Variants in ARPC2 observed in about 807,000 individuals in gnomAD.
ARPC2 encodes actin-related protein 2/3 complex subunit 2.
ARPC2 carries 4 observed loss-of-function variants against 38.6 expected under a neutral mutation model. The ratio of observed to expected loss-of-function variants is 0.10; its 90% CI spans 0.05 to 0.24. ARPC2 has a LOEUF of 0.24. ARPC2 is among the 10% of genes least tolerant of loss of function. ARPC2 has a pLI of 1.00. For missense variants in ARPC2, 229 were observed against 387.3 expected (o/e 0.59, Z 3.43); for synonymous variants, 125 against 140.8 (o/e 0.89, Z 0.79).
intron 8 of ARPC2, among the ~76,000 whole-genome samples, chr2:218,247,491 T>G (rs1039530184): frequency 1.3e-5 from 2 of 152,200 alleles, no homozygotes; most frequent in African/African-American, 4.8e-5. Flanking sequence ...TTCTTTTTTC[T>G]TTCTCTCTGT....
At chr2:218,227,050 AGAT>A (rs1559476414) in intron 3 of ARPC2, 1 of 456,446 alleles carries the variant, frequency 2.2e-6, no homozygotes, top group Admixed American at 2.3e-5. Context: ...GTCCTCGACA[AGAT>A]GATCTTGGAA....
At chr2:218,218,760 A>G (rs766208667) in intron 2 of ARPC2, among the ~76,000 whole-genome samples, 1 of 152,240 alleles carries the variant, frequency 6.6e-6, no homozygotes, top group Admixed American at 6.5e-5. Flanking sequence ...TGCCATTTAA[A>G]TTGAATATAT....
At chr2:218,222,135 C>T (rs750964644) in intron 2 of ARPC2, among the ~76,000 whole-genome samples, 75 of 152,048 alleles carry the variant, frequency 4.9e-4, no homozygotes, top group Non-Finnish European at 2.6e-4. Flanking sequence ...GGTGTGGTGG[C>T]GCACACCTGT....
At chr2:218,239,767 A>AT (rs1442376815) in intron 7 of ARPC2, among the ~76,000 whole-genome samples, 10 of 150,256 alleles carry the variant, frequency 6.7e-5, no homozygotes, top group Non-Finnish European at 1.5e-4. Flanking sequence ...CTAATTTTGT[A>AT]TTTTTAGTAG....
chr2:218,251,011 A>G (rs535188093), intron 10 of ARPC2, among the ~76,000 whole-genome samples: 289 of 151,306 alleles, frequency 1.9e-3, no homozygotes, highest in African/African-American at 6.8e-3. Flanking sequence ...AATTTTTTGT[A>G]TTTTAGTAGA....
chr2:218,218,613 T>A (rs2106140828), intron 2 of ARPC2, among the ~76,000 whole-genome samples: 1 of 152,364 alleles, frequency 6.6e-6, no homozygotes, highest in Admixed American at 6.5e-5. Context: ...AGTTAATAAG[T>A]GCAGACCGTT....
chr2:218,225,393 T>A (rs1009600305), intron 2 of ARPC2, among the ~76,000 whole-genome samples: 4 of 152,196 alleles, frequency 2.6e-5, no homozygotes, highest in Non-Finnish European at 4.4e-5. Context: ...TTTGGTGATG[T>A]AAAGGAAGAA....
chr2:218,252,739 C>T (rs1690222923), intron 10 of ARPC2, among the ~76,000 whole-genome samples: 1 of 152,166 alleles, frequency 6.6e-6, no homozygotes, highest in South Asian at 2.1e-4. Flanking sequence ...GGAGGAAGGC[C>T]TGTTAGGCAG....
At chr2:218,239,668 A>G (rs1311680671) in intron 7 of ARPC2, 184 bp downstream of exon 7, 8 of 536,986 alleles carry the variant, frequency 1.5e-5, no homozygotes, top group Non-Finnish European at 2.6e-5. Context: ...ATCTCGGCTC[A>G]CTGCAACCTC....
intron 5 of ARPC2, chr2:218,234,878 G>C (rs987384244): frequency 6.6e-6 from 3 of 456,730 alleles, no homozygotes; most frequent in Non-Finnish European, 1.3e-5. Context: ...AACATTCATG[G>C]CCAGAGGAAT....
chr2:218,239,973 T>G (rs1360914221), intron 7 of ARPC2, among the ~76,000 whole-genome samples: 1 of 151,334 alleles, frequency 6.6e-6, no homozygotes, highest in Non-Finnish European at 1.5e-5. Context: ...GCTGTTGTTT[T>G]GAGGTGGAGT....
intron 7 of ARPC2, among the ~76,000 whole-genome samples, chr2:218,241,273 C>G (rs921709520): frequency 1.3e-5 from 2 of 152,204 alleles, no homozygotes; most frequent in Non-Finnish European, 2.9e-5. Context: ...ATATTCTCAA[C>G]TGCTCCATCC....
At chr2:218,253,786 A>C (rs1014938587) in intron 10 of ARPC2, 105 bp from the exon 11 acceptor site, 4 of 1,381,796 alleles carry the variant, frequency 2.9e-6, no homozygotes, top group Admixed American at 4.6e-5. Context: ...AGCCCTTTCC[A>C]CCTCTCATTT....
chr2:218,226,012 A>T, intron 3 of ARPC2, 58 bp downstream of exon 3: 1 of 1,577,398 alleles, frequency 6.3e-7, no homozygotes, highest in Non-Finnish European at 8.7e-7. Flanking sequence ...AATAGGAAAT[A>T]GGCTGGGTGC....
chr2:218,239,609 T>TC (rs1024666915), intron 7 of ARPC2, 125 bp downstream of exon 7: 558 of 629,158 alleles, frequency 8.9e-4, no homozygotes, highest in Middle Eastern at 2.0e-3. Flanking sequence ...TTTTTTTTTT[T>TC]CGAGACGGAG....
In ARPC2 at chr2:218,239,232, C is replaced by T. The variant is rs75360164; in HGVS notation, c.456-159C>T. 4.4e-3 allele frequency: 2,677 copies of T among 613,482 alleles called. 52 individuals are homozygous for T. Among genetic ancestry groups the T allele is most frequent in the African/African-American group, 0.042 (2,269 of 54,022 alleles). 38.0% of individuals were successfully genotyped at this position (613,482 alleles called of 1,614,324 possible). ...TCTCTTAGGGCATTCATTTTGTGCA[C>T]TGACTTTGTTGACCATAAATATCAT... On this transcript the variant is annotated intron_variant, in intron 6 of 10. Coordinates refer to ENST00000315717, the MANE Select transcript of ARPC2 (RefSeq NM_152862.3).
Position 218,253,230 on chromosome 2 carries a change from T to C in ARPC2, c.879-661T>C, listed in dbSNP as rs1262797280. ...GCCCTGATTTCCCATAGTTCTCAGC[T>C]CTAGCTTCCAGGCTGCTTTCCCAGA... On this transcript the variant is annotated intron_variant, in intron 10 of 10. Transcript: ENST00000315717. Among the ~76,000 whole-genome samples the C allele has an allele frequency of 2.6e-5, 4 of 152,206 alleles. No homozygotes were observed. In the South Asian group the frequency reaches 6.2e-4, roughly 24 times the overall value.
chr2:218,254,118 A>AG lies in ARPC2; in HGVS notation c.*203_*204insG. 1 of 558,398 alleles carries AG rather than the reference A, an allele frequency of 1.8e-6. No individual in the cohort carries two copies. Among genetic ancestry groups the AG allele is most frequent in the East Asian group, 3.1e-5 (1 of 32,442 alleles). The allele number at this position is 558,398 out of a possible 1,614,324, so 34.6% of individuals were successfully genotyped here. The stretch of plus-strand genomic sequence containing the variant: ...ATAGTTCCCAAGAATTAAAAAAAAA[A>AG]AAAAAAGAATTCCACTTGATCAACT... On this transcript the variant is annotated 3_prime_UTR_variant, in exon 11 of 11. Coordinates refer to ENST00000315717, the MANE Select transcript of ARPC2 (RefSeq NM_152862.3).
At chr2:218,231,118 G>A (rs1387342068) in intron 4 of ARPC2, among the ~76,000 whole-genome samples, 1 of 152,142 alleles carries the variant, frequency 6.6e-6, no homozygotes, top group Non-Finnish European at 1.5e-5. Flanking sequence ...GATAACCACA[G>A]GAAGGTTATT....
Sources: allele counts gnomAD v4.1 joint callset (sites outside exome capture counted in the v4.1 genomes callset), GRCh38; gene constraint gnomAD v4.1.1; transcripts MANE v1.5; gene names NCBI Gene and HGNC (gene_info 2026-07-23, HGNC 2026-07-21).